Variants in RIN2 observed in about 807,000 individuals in gnomAD.
RIN2 encodes the protein RAB5 interacting protein 2.
RIN2 carries 36 observed loss-of-function variants against 78.0 expected under a neutral mutation model. The ratio of observed to expected loss-of-function variants is 0.46; its 90% confidence interval spans 0.35 to 0.61. RIN2 has a LOEUF of 0.61. RIN2 is among the 20% of genes least tolerant of loss of function. The pLI, the probability that RIN2 is intolerant of heterozygous loss-of-function variation, is 0.00. For synonymous variants in RIN2, 466 were observed against 466.8 expected (o/e 1.00, Z 0.02); for missense variants, 1,087 against 1,159.7 (o/e 0.94, Z 0.91).
chr20:19,781,464 C>T (rs1164723810), intron 1 of RIN2, among the ~76,000 whole-genome samples: 1 of 152,182 alleles, frequency 6.6e-6, no homozygotes, highest in African/African-American at 2.4e-5. Context: ...AATCTGACAT[C>T]TGCGTACCCT....
rs541571623 is a variant in RIN2, at chr20:19,806,488, T to G, written c.-37+6741T>G. 1.1e-3 allele frequency among the ~76,000 whole-genome samples: 161 copies of G among 152,348 alleles called. 4 individuals carry two copies. In the South Asian group the frequency reaches 0.033, roughly 31 times the overall value. On this transcript the variant is annotated intron_variant, in intron 2 of 12. Transcript: ENST00000255006. ...TATATCCTGTACGTTGCCACCCATT[T>G]TTCCAGGGAAGGAAAGAGGAGAAAC... is the stretch of plus-strand genomic sequence containing the variant.
chr20:19,823,819 AC>A (rs2036000073), intron 2 of RIN2: 3 of 1,603,462 alleles, frequency 1.9e-6, no homozygotes, highest in East Asian at 4.5e-5. Context: ...GTCATCACCA[AC>A]CTTTTTTGGA....
intron 4 of RIN2, among the ~76,000 whole-genome samples, chr20:19,937,105 T>C (rs530145600): frequency 3.3e-5 from 5 of 152,374 alleles, no homozygotes; most frequent in African/African-American, 9.6e-5. Context: ...TTTTGGCTTC[T>C]GTGCTGGAGT....
chr20:19,909,618 G>T (rs549293778), intron 3 of RIN2, among the ~76,000 whole-genome samples: 2 of 152,092 alleles, frequency 1.3e-5, no homozygotes, highest in African/African-American at 4.8e-5. Flanking sequence ...CACTATTGTG[G>T]GCATCATCAT....
intron 2 of RIN2, among the ~76,000 whole-genome samples, chr20:19,842,880 T>C (rs1476761063): frequency 6.6e-6 from 1 of 151,924 alleles, no homozygotes; most frequent in African/African-American, 2.4e-5. Context: ...AATTCAGCAT[T>C]CTAGATGTCA....
intron 4 of RIN2, among the ~76,000 whole-genome samples, chr20:19,946,713 CAAAAAA>C (rs74180972): frequency 2.6e-5 from 2 of 78,008 alleles, no homozygotes; most frequent in Non-Finnish European, 5.2e-5. Flanking sequence ...GATTCTATCT[CAAAAAA>C]AAAAAAAAAA....
chr20:19,768,469 T>A (rs1359481407), intron 1 of RIN2, among the ~76,000 whole-genome samples: 2 of 152,206 alleles, frequency 1.3e-5, no homozygotes, highest in Non-Finnish European at 2.9e-5. Flanking sequence ...TCTCTCTGCA[T>A]GCGGGCAAAG....
At chr20:19,777,160 A>G (rs1232764937) in intron 1 of RIN2, among the ~76,000 whole-genome samples, 2 of 152,148 alleles carry the variant, frequency 1.3e-5, no homozygotes, top group Non-Finnish European at 2.9e-5. Context: ...GTCTTTTTAA[A>G]TGTAGGAGGT....
At chr20:19,969,031 C>T (rs920670570) in intron 7 of RIN2, among the ~76,000 whole-genome samples, 6 of 151,980 alleles carry the variant, frequency 3.9e-5, no homozygotes, top group Non-Finnish European at 5.9e-5. Context: ...GGGCCTGACC[C>T]CCAAGAACAG....
intron 3 of RIN2, among the ~76,000 whole-genome samples, chr20:19,908,563 A>G (rs1487359449): frequency 6.6e-6 from 1 of 152,208 alleles, no homozygotes; most frequent in Non-Finnish European, 1.5e-5. Context: ...CTGGTAAGTA[A>G]AATAATTCTG....
At chr20:19,913,585 T>G (rs536189358) in intron 3 of RIN2, among the ~76,000 whole-genome samples, 1 of 152,202 alleles carries the variant, frequency 6.6e-6, no homozygotes, top group Non-Finnish European at 1.5e-5. Context: ...TAATTCCCCA[T>G]TCCTCCTTTT....
At position 20,000,623 on chromosome 20, in the gene RIN2, G is replaced by A. The variant is rs375881583; in HGVS notation, c.2375G>A (p.Arg792Gln). 9 of 1,594,414 alleles carry A rather than the reference G, an allele frequency of 5.6e-6. No homozygotes were observed. The highest frequency in any genetic ancestry group is 1.7e-5 in the Admixed American group (1 of 59,196). ...PSVDDFQNYL[R>Q]VAFQEVNSGC... ...CTCTTCCACCTGCAGAATTACCTCC[G>A]AGTTGCATTTCAGGAGGTCAACAGT... The change falls in exon 13 of 13, where the codon CGA (arginine) becomes CAA (glutamine). Residue 792 changes from arginine to glutamine, a missense_variant. By Grantham distance (43) the Arg-to-Gln change is conservative (BLOSUM62 1). Around this residue, in one of 8 missense-constraint regions of RIN2, gnomAD observed 160 missense variants for 179.4 expected, o/e 0.89. Transcript: ENST00000255006.
At chr20:19,897,506 C>T (rs2038785600) in intron 3 of RIN2, among the ~76,000 whole-genome samples, 1 of 152,146 alleles carries the variant, frequency 6.6e-6, no homozygotes, top group Non-Finnish European at 1.5e-5. Flanking sequence ...CTTCCTTCTA[C>T]AGATGGGGAA....
chr20:19,939,775 A>G (rs1054227565), intron 4 of RIN2, among the ~76,000 whole-genome samples: 1 of 151,110 alleles, frequency 6.6e-6, no homozygotes, highest in Admixed American at 6.6e-5. Context: ...CTTCTACCTC[A>G]TTACCTGGCT....
At chr20:19,760,358 C>A (rs904609865) in intron 1 of RIN2, among the ~76,000 whole-genome samples, 1 of 152,192 alleles carries the variant, frequency 6.6e-6, no homozygotes. Context: ...CATTCTCCTG[C>A]AGACAGTTCA....
At chr20:19,928,782 C>T (rs1600837797) in intron 3 of RIN2, among the ~76,000 whole-genome samples, 1 of 152,158 alleles carries the variant, frequency 6.6e-6, no homozygotes, top group South Asian at 2.1e-4. Context: ...TCCTCTCCCT[C>T]TTGTGGTCAC....
chr20:19,956,257 C>CAAA lies in RIN2; in HGVS notation c.159-340_159-338dup, dbSNP rs11483774. The stretch of plus-strand genomic sequence containing the variant: ...TGGGCAACAGAATAAGACTCCATCT[C>CAAA]AAAAAAAAAAAAAAAAAAAAGAAAA... On this transcript the variant is annotated intron_variant, in intron 4 of 12. Coordinates refer to ENST00000255006, the MANE Select transcript of RIN2 (RefSeq NM_018993.4). Among the ~76,000 whole-genome samples the CAAA allele has an allele frequency of 1.4e-3, 72 of 50,706 alleles. 1 individual carries two copies. The highest frequency in any genetic ancestry group is 4.8e-3 in the African/African-American group (62 of 12,958). The allele number at this position is 50,706 out of a possible 152,430, so 33.3% of individuals were successfully genotyped here. A position where few individuals can be genotyped will look rare whatever the true frequency, so the allele number is the denominator to read the frequency against.
chr20:19,878,362 G>A (rs970740968), intron 2 of RIN2, among the ~76,000 whole-genome samples: 4 of 152,120 alleles, frequency 2.6e-5, no homozygotes, highest in Non-Finnish European at 2.9e-5. Context: ...AAGTGTGGGA[G>A]GGAATAAAGG....
intron 9 of RIN2, among the ~76,000 whole-genome samples, chr20:19,980,996 A>G (rs375295109): frequency 3.5e-4 from 54 of 152,344 alleles, no homozygotes; most frequent in African/African-American, 1.2e-3. Flanking sequence ...CCTGTTTTTA[A>G]AAGAGCCAAG....
Sources: gnomAD v4.1 joint callset for allele counts (sites outside exome capture counted in the v4.1 genomes callset) on GRCh38, gnomAD v4.1.1 for gene constraint, gnomAD v4.1.1 regional missense constraint, MANE v1.5 for transcripts, NCBI Gene and HGNC (gene_info 2026-07-23, HGNC 2026-07-21) for gene names.